TMEM50B: variants seen among roughly 807,000 people sequenced by gnomAD.
TMEM50B encodes the protein transmembrane protein 50B, also known as HCV p7-trans-regulated protein 3.
In TMEM50B, 14 loss-of-function variants were observed where a neutral mutation model predicts 23.4. The ratio of observed to expected loss-of-function variants is 0.60; its 90% CI spans 0.39 to 0.93. The LOEUF is 0.93. TMEM50B is among the 40% of genes least tolerant of loss of function. The pLI, the probability that TMEM50B is intolerant of heterozygous loss-of-function variation, is 0.00. For missense variants in TMEM50B, 159 were observed against 193.0 expected, an observed-to-expected ratio of 0.82 and a Z score of 1.04; for synonymous variants, 64 against 62.3, an observed-to-expected ratio of 1.03 and a Z score of -0.13.
chr21:33,451,330 C>T (rs776078316), intron 6 of TMEM50B, among the ~76,000 whole-genome samples: 4 of 152,276 alleles, frequency 2.6e-5, no homozygotes, highest in Admixed American at 6.5e-5. Flanking sequence ...AAAGTGGCTA[C>T]GTACCAAGCA....
chr21:33,459,907 T>C (rs1424446350), intron 5 of TMEM50B, among the ~76,000 whole-genome samples: 1 of 151,826 alleles, frequency 6.6e-6, no homozygotes, highest in Non-Finnish European at 1.5e-5. Flanking sequence ...TATAATCTAA[T>C]ATATCTATTT....
At chr21:33,464,572 A>G (rs879441802) in intron 4 of TMEM50B, among the ~76,000 whole-genome samples, 7 of 147,384 alleles carry the variant, frequency 4.7e-5, no homozygotes, top group African/African-American at 7.4e-5. Context: ...TTGGGAGGCC[A>G]AGGTGGGTGG....
rs1481370220 is a variant in TMEM50B at position 33,476,890 on chromosome 21, A to T, written c.-42+2948T>A. Among the ~76,000 whole-genome samples the T allele has an allele frequency of 2.6e-5, 4 of 152,160 alleles. No individual in the cohort carries two copies. The East Asian group carries it at 7.7e-4, about 29-fold the overall frequency. On this transcript the variant is annotated intron_variant, in intron 1 of 6. Transcript: ENST00000542230. ...CCTAGAACGACAAAAAGATTTTCAT[A>T]AAGCAAAGCTTTTAATGGCTAAAAC...
intron 3 of TMEM50B, 66 bp downstream of exon 3, chr21:33,466,944 C>A (rs2084269572): frequency 3.1e-6 from 4 of 1,287,596 alleles, no homozygotes; most frequent in Non-Finnish European, 4.5e-6. Context: ...CAAGAAAGCA[C>A]TGCACATTAA....
chr21:33,449,557 T>G lies in TMEM50B; in HGVS notation c.*1261A>C, dbSNP rs2084098109. ...CTGCAAACTCAGTAAAAGGAGTTTT[T>G]GATTGGAGTATGAACTTTCAAGTTG... On this transcript the variant is annotated 3_prime_UTR_variant, in exon 7 of 7. Transcript: ENST00000542230. The G allele has an allele frequency of 6.6e-6, 1 of 152,284 alleles. No individual in the cohort carries two copies. Among genetic ancestry groups the G allele is most frequent in the African/African-American group, 2.4e-5 (1 of 41,436 alleles). 9.4% of individuals were successfully genotyped at this position (152,284 alleles called of 1,614,324 possible). A position where few individuals can be genotyped will look rare whatever the true frequency, so the allele number is the denominator to read the frequency against.
chr21:33,453,084 T>C (rs2084137033), intron 6 of TMEM50B, among the ~76,000 whole-genome samples: 1 of 152,122 alleles, frequency 6.6e-6, no homozygotes, highest in Non-Finnish European at 1.5e-5. Flanking sequence ...AATAGAGAGA[T>C]TAATTTTATT....
At chr21:33,454,680 C>T (rs984769305) in intron 6 of TMEM50B, among the ~76,000 whole-genome samples, 1 of 151,198 alleles carries the variant, frequency 6.6e-6, no homozygotes, top group Non-Finnish European at 1.5e-5. Flanking sequence ...TTTTTTTTCC[C>T]GAAAGGCTAG....
chr21:33,478,953 A>C, intron 1 of TMEM50B: 1 of 380,514 alleles, frequency 2.6e-6, no homozygotes, highest in African/African-American at 2.1e-5. Context: ...TTACAGCGCG[A>C]TGTAAGACGA....
intron 8 of TMEM50B, among the ~76,000 whole-genome samples, chr21:33,433,330 G>A (rs1229737317): frequency 2.0e-5 from 3 of 152,204 alleles, no homozygotes; most frequent in Non-Finnish European, 2.9e-5. Flanking sequence ...ATGTTGACAC[G>A]ATTCACAACA....
Position 33,467,052 on chromosome 21 carries a change from G to C in TMEM50B, c.170C>G (p.Ala57Gly), listed in dbSNP as rs750435623. ...GGAAAATACACCACATGTGTGAAAG[G>C]CATGGTTCAACTGTTCTGGCTTAGG... ...VYPKPEQLNH[A>G]FHTCGVFSTL... The change falls in exon 3 of 7, where the codon GCC becomes GGC. Residue 57 changes from alanine to glycine, a missense_variant. By Grantham distance (60) the Ala-to-Gly change is moderately conservative (BLOSUM62 0). Transcript: ENST00000542230. The C allele has an allele frequency of 7.4e-6, 12 of 1,613,942 alleles. No homozygotes were observed. The African/African-American group carries it at 1.6e-4, about 22-fold the overall frequency.
exon 8 of TMEM50B, chr21:33,439,239 C>G (rs2083986665): frequency 6.6e-6 from 1 of 152,194 alleles, no homozygotes; most frequent in Non-Finnish European, 1.5e-5. Flanking sequence ...AAATCGGAGA[C>G]AGAAGAGCTT....
chr21:33,452,333 G>T (rs1392785830), intron 6 of TMEM50B, among the ~76,000 whole-genome samples: 1 of 152,222 alleles, frequency 6.6e-6, no homozygotes, highest in Non-Finnish European at 1.5e-5. Context: ...AGTTTGCCAT[G>T]CAGCGTACAG....
At chr21:33,461,455 C>G (rs751717049) in intron 4 of TMEM50B, among the ~76,000 whole-genome samples, 1 of 152,132 alleles carries the variant, frequency 6.6e-6, no homozygotes, top group Non-Finnish European at 1.5e-5. Flanking sequence ...GAAATACAAT[C>G]TCTAAATTAT....
At chr21:33,459,170 G>A (rs2084195647) in intron 5 of TMEM50B, among the ~76,000 whole-genome samples, 1 of 152,150 alleles carries the variant, frequency 6.6e-6, no homozygotes, top group African/African-American at 2.4e-5. Context: ...ACAGTCTTCC[G>A]ACGCTTCCAG....
At position 33,465,384 on chromosome 21, in the gene TMEM50B, C is replaced by G; in HGVS notation, c.238G>C (p.Val80Leu). Residue 80 changes from valine (V) to leucine (L), a missense_variant, in exon 4 of 7, where the codon GTG (valine) becomes CTG (leucine). By Grantham distance (32) the Val-to-Leu change is conservative. Transcript: ENST00000542230. ...FMINAVSNAQVRGDSYESGCL... is the reference protein window; with the variant it reads ...FMINAVSNAQLRGDSYESGCL... The stretch of plus-strand genomic sequence containing the variant: ...CCGCTTTCATAGCTATCACCTCTCA[C>G]CTGAGCATTGGATACAGCATTTATC... 1 of 1,613,094 alleles carries G rather than the reference C, an allele frequency of 6.2e-7. No individual in the cohort carries two copies. The highest frequency in any genetic ancestry group is 8.5e-7 in the Non-Finnish European group (1 of 1,179,770).
Position 33,455,769 on chromosome 21 carries a change from G to A in TMEM50B, c.389C>T (p.Pro130Leu), listed in dbSNP as rs1231183426. ...AYVTQNTDVY[P>L]GLAVFFQNAL... ...ATTTTGAAAAAACACAGCTAGTCCCGGATAAACATCAGTATCTACATACAC... is the reference window on the plus strand; with the variant it reads ...ATTTTGAAAAAACACAGCTAGTCCCAGATAAACATCAGTATCTACATACAC... Residue 130 changes from proline to leucine, a missense_variant, in exon 6 of 7, where the codon CCG becomes CTG. Pro to Leu is a moderately conservative substitution (Grantham distance 98). Coordinates refer to ENST00000542230, the MANE Select transcript of TMEM50B (RefSeq NM_006134.7). 8.1e-6 allele frequency: 13 copies of A among 1,613,584 alleles called. No homozygotes were observed. The highest frequency in any genetic ancestry group is 1.6e-4 in the Middle Eastern group (1 of 6,078).
At chr21:33,454,926 G>A (rs1658258540) in intron 6 of TMEM50B, among the ~76,000 whole-genome samples, 1 of 151,986 alleles carries the variant, frequency 6.6e-6, no homozygotes, top group African/African-American at 2.4e-5. Context: ...AGACCACTCT[G>A]GGCAATATGG....
chr21:33,457,068 A>C (rs2084175500), intron 5 of TMEM50B, among the ~76,000 whole-genome samples: 1 of 152,098 alleles, frequency 6.6e-6, no homozygotes, highest in Non-Finnish European at 1.5e-5. Context: ...CAGCCTGGCC[A>C]ACATGGGGAA....
chr21:33,440,884 AAAT>A (rs1041458632), intron 7 of TMEM50B, among the ~76,000 whole-genome samples: 1 of 152,028 alleles, frequency 6.6e-6, no homozygotes, highest in Non-Finnish European at 1.5e-5. Flanking sequence ...CTGTCTCAAA[AAAT>A]AATAATAAAA....
Sources: gnomAD v4.1 joint callset for allele counts (sites outside exome capture counted in the v4.1 genomes callset) on GRCh38, gnomAD v4.1.1 for gene constraint, MANE v1.5 for transcripts, NCBI Gene and HGNC (gene_info 2026-07-23, HGNC 2026-07-21) for gene names.